The following TDRD5 variants were observed in gnomAD, a reference collection of about 807,000 sequenced individuals.
TDRD5 encodes the protein tudor domain-containing protein 5.
Under a neutral mutation model 120.6 loss-of-function variants are expected in TDRD5, and 41 were observed. The ratio of observed to expected loss-of-function variants is 0.34; its 90% CI spans 0.26 to 0.44. The LOEUF is 0.44. Among genes scored for constraint, TDRD5 ranks in the 20% least tolerant of loss-of-function variants. The probability of loss-of-function intolerance (pLI) is 1.00; values close to 1 mark genes in which losing one functional copy is unlikely to be tolerated. For synonymous variants in TDRD5, 430 were observed against 433.7 expected (o/e 0.99, Z 0.11); for missense variants, 1,006 against 1,221.2 (o/e 0.82, Z 2.63).
rs189241401 is a variant in TDRD5 at position 179,633,278 on chromosome 1, A to G, written c.1127-1179A>G. ...ACCATCACAAAAAAATACAGTGACA[A>G]ATATTCTTGTACCTACATCTTTGTG... On this transcript the variant is annotated intron_variant, in intron 7 of 17. Transcript: ENST00000444136. Among the ~76,000 whole-genome samples the G allele has an allele frequency of 1.1e-4, 17 of 152,250 alleles. No homozygotes were observed. The East Asian group carries it at 3.1e-3, about 28-fold the overall frequency.
At chr1:179,628,319 CT>C (rs1282761458) in intron 6 of TDRD5, among the ~76,000 whole-genome samples, 4 of 76,344 alleles carry the variant, frequency 5.2e-5, no homozygotes, top group East Asian at 3.9e-4. Context: ...CTTTTCTTTT[CT>C]TTTCTTTTTT....
At chr1:179,597,379 T>C (rs1484260120) in intron 4 of TDRD5, among the ~76,000 whole-genome samples, 3 of 148,742 alleles carry the variant, frequency 2.0e-5, no homozygotes, top group Non-Finnish European at 4.4e-5. Context: ...TCACCCAGGC[T>C]GGAGTGCAAT....
intron 10 of TDRD5, 121 bp from the exon 11 acceptor site, chr1:179,640,258 G>T: frequency 8.3e-7 from 1 of 1,198,818 alleles, no homozygotes; most frequent in East Asian, 2.4e-5. Flanking sequence ...ACTGAATTTT[G>T]AATGGACGAT....
At chr1:179,602,898 TTC>T (rs1335775679) in intron 4 of TDRD5, among the ~76,000 whole-genome samples, 2 of 152,212 alleles carry the variant, frequency 1.3e-5, no homozygotes, top group Non-Finnish European at 2.9e-5. Context: ...GAATTGTTTT[TTC>T]TAATTCTGTG....
chr1:179,667,645 ATAAACT>A lies in TDRD5; in HGVS notation c.2650-1544_2650-1539del, dbSNP rs1252413118. ...ATTCTCAGCCTCATTTTAAGTGAAG[ATAAACT>A]TAAAAGGTAGTTCAAGTATACATGT... On this transcript the variant is annotated intron_variant, in intron 16 of 17. Coordinates refer to ENST00000444136, the MANE Select transcript of TDRD5 (RefSeq NM_001199085.3). Among the ~76,000 whole-genome samples, 6 of 152,254 alleles carry A rather than the reference ATAAACT, an allele frequency of 3.9e-5. 1 individual carries two copies. The highest frequency in any genetic ancestry group is 2.0e-4 in the Admixed American group (3 of 15,284).
intron 5 of TDRD5, among the ~76,000 whole-genome samples, chr1:179,620,660 T>G (rs1329933712): frequency 6.6e-6 from 1 of 152,152 alleles, no homozygotes; most frequent in Non-Finnish European, 1.5e-5. Flanking sequence ...TTTCCAAAGT[T>G]TTTTCTAATG....
intron 14 of TDRD5, among the ~76,000 whole-genome samples, chr1:179,660,426 T>C (rs1679250668): frequency 6.6e-6 from 1 of 151,918 alleles, no homozygotes; most frequent in Non-Finnish European, 1.5e-5. Flanking sequence ...TTCACCGTGT[T>C]ATCCAGGATG....
rs547334790 is a variant in TDRD5, at chr1:179,592,088, A to G, written c.-52A>G. ...CCGCTCCCGTGAGGGTCACCGAGAG[A>G]CGTTGGGGGTGGGGCAGGGACCCCA... On this transcript the variant is annotated 5_prime_UTR_variant, in exon 1 of 18. Coordinates refer to ENST00000444136, the MANE Select transcript of TDRD5 (RefSeq NM_001199085.3). 6.5e-6 allele frequency: 1 copy of G among 153,118 alleles called. No homozygotes were observed. The highest frequency in any genetic ancestry group is 1.9e-4 in the East Asian group (1 of 5,160). The allele number at this position is 153,118 out of a possible 1,614,324, so 9.5% of individuals were successfully genotyped here.
At chr1:179,652,412 CT>C (rs1486401556) in intron 13 of TDRD5, among the ~76,000 whole-genome samples, 1 of 152,080 alleles carries the variant, frequency 6.6e-6, no homozygotes, top group Non-Finnish European at 1.5e-5. Context: ...CCATTGCTGC[CT>C]TTGTGCAGTT....
intron 4 of TDRD5, among the ~76,000 whole-genome samples, chr1:179,598,668 C>A (rs10913826): frequency 0.017 from 2,508 of 147,926 alleles, 77 homozygotes; most frequent in African/African-American, 0.058. Flanking sequence ...AATAGAAAAT[C>A]AATTGGTTTT....
chr1:179,601,192 A>G (rs996015913), intron 4 of TDRD5, among the ~76,000 whole-genome samples: 1 of 152,152 alleles, frequency 6.6e-6, no homozygotes, highest in African/African-American at 2.4e-5. Context: ...AAACATAATT[A>G]TAGATTTGTC....
intron 9 of TDRD5, among the ~76,000 whole-genome samples, chr1:179,637,681 C>T (rs1038811885): frequency 2.7e-5 from 4 of 150,622 alleles, no homozygotes; most frequent in Admixed American, 6.6e-5. Flanking sequence ...TGCTACTGCA[C>T]TCCAGCCTGG....
intron 17 of TDRD5, among the ~76,000 whole-genome samples, chr1:179,684,742 A>G (rs574690901): frequency 6.7e-4 from 102 of 152,186 alleles, no homozygotes; most frequent in Non-Finnish European, 1.1e-3. Flanking sequence ...TCGCCATTCT[A>G]ACTGGTATGA....
intron 16 of TDRD5, among the ~76,000 whole-genome samples, chr1:179,664,353 T>C (rs1044301747): frequency 6.6e-6 from 1 of 152,158 alleles, no homozygotes; most frequent in Non-Finnish European, 1.5e-5. Context: ...CTATTTAAAA[T>C]GCACAATTCA....
chr1:179,674,137 G>T, intron 17 of TDRD5, among the ~76,000 whole-genome samples: 1 of 152,142 alleles, frequency 6.6e-6, no homozygotes, highest in East Asian at 1.9e-4. Flanking sequence ...TTCTCAGGGG[G>T]AATGCTTTCA....
intron 8 of TDRD5, among the ~76,000 whole-genome samples, chr1:179,635,406 A>T (rs1677710542): frequency 6.6e-6 from 1 of 152,186 alleles, no homozygotes; most frequent in African/African-American, 2.4e-5. Context: ...TTTAAACTCT[A>T]TACCTAATGT....
At chr1:179,685,593 T>C (rs1282263242) in intron 17 of TDRD5, among the ~76,000 whole-genome samples, 1 of 152,122 alleles carries the variant, frequency 6.6e-6, no homozygotes, top group Non-Finnish European at 1.5e-5. Context: ...TCATTGGTAG[T>C]TTGATGGGGA....
At chr1:179,658,265 T>C (rs986104922) in intron 14 of TDRD5, among the ~76,000 whole-genome samples, 27 of 152,198 alleles carry the variant, frequency 1.8e-4, no homozygotes, top group Non-Finnish European at 3.2e-4. Flanking sequence ...ACTGTCCTAA[T>C]AAAATGAGTT....
In TDRD5 at chr1:179,651,023, A is replaced by G. The variant is rs778201849; in HGVS notation, c.1957A>G (p.Thr653Ala). ...TGTCTATTTCCATCATGTCTTGAGAACAGAGGGCCATGCTATTGTATGCCG... is the reference window on the plus strand; with the variant it reads ...TGTCTATTTCCATCATGTCTTGAGAGCAGAGGGCCATGCTATTGTATGCCG... ...EDVYFHHVLR[T>A]EGHAIVCREN... The change falls in exon 12 of 18, where the codon ACA becomes GCA. Residue 653 changes from threonine to alanine, a missense_variant. Transcript: ENST00000444136. 1.2e-6 allele frequency: 2 copies of G among 1,614,064 alleles called. No individual in the cohort carries two copies. Among genetic ancestry groups the G allele is most frequent in the African/African-American group, 2.7e-5 (2 of 74,944 alleles).
Sources: gnomAD v4.1 joint callset for allele counts (sites outside exome capture counted in the v4.1 genomes callset) on GRCh38, gnomAD v4.1.1 for gene constraint, MANE v1.5 for transcripts, NCBI Gene and HGNC (gene_info 2026-07-23, HGNC 2026-07-21) for gene names.